Variants in MYO1H observed in about 807,000 individuals in gnomAD.
The protein encoded by MYO1H is unconventional myosin-Ih.
In MYO1H, 118 loss-of-function variants were observed where a neutral mutation model predicts 149.3. The observed-to-expected ratio is 0.79, with a 90% CI of 0.68 to 0.92. The LOEUF is 0.92. Among genes scored for constraint, MYO1H ranks in the 40% least tolerant of loss-of-function variants. The pLI is 0.00. For synonymous variants in MYO1H, 447 were observed against 465.2 expected (o/e 0.96, Z 0.50); for missense variants, 1,212 against 1,280.7 (o/e 0.95, Z 0.82).
chr12:109,420,299 C>T (rs147887467), intron 15 of MYO1H, among the ~76,000 whole-genome samples: 7 of 152,018 alleles, frequency 4.6e-5, no homozygotes, highest in Non-Finnish European at 8.8e-5. Context: ...ATGTTACCCG[C>T]CCCCCGGAGG....
At chr12:109,380,216 A>T (rs1011905246) in intron 1 of MYO1H, among the ~76,000 whole-genome samples, 19 of 152,156 alleles carry the variant, frequency 1.2e-4, no homozygotes, top group Non-Finnish European at 1.5e-5. Context: ...TTTAAAAAAT[A>T]GTTGTTTACA....
At chr12:109,388,812 C>T (rs142622024) in exon 2 of MYO1H, 3 of 1,613,110 alleles carry the variant, frequency 1.9e-6, no homozygotes, top group East Asian at 4.5e-5. Flanking sequence ...TGTCGACAAC[C>T]TCCGCAAGCG....
At chr12:109,419,320 A>G (rs1043938308) in intron 15 of MYO1H, among the ~76,000 whole-genome samples, 1 of 152,038 alleles carries the variant, frequency 6.6e-6, no homozygotes, top group Non-Finnish European at 1.5e-5. Flanking sequence ...GGGCGGGGGC[A>G]TCGTGGATAA....
At chr12:109,425,536 A>G (rs1871322562) in intron 17 of MYO1H, among the ~76,000 whole-genome samples, 1 of 152,246 alleles carries the variant, frequency 6.6e-6, no homozygotes, top group African/African-American at 2.4e-5. Flanking sequence ...GGGACTTACA[A>G]TCTAGTGGGA....
the MYO1H span, among the ~76,000 whole-genome samples, chr12:109,317,398 T>C: frequency 6.6e-6 from 1 of 152,204 alleles, no homozygotes; most frequent in East Asian, 1.9e-4. Context: ...AGAGTAACCA[T>C]TTCGATAGTA....
intron 6 of MYO1H, among the ~76,000 whole-genome samples, chr12:109,403,127 CT>C (rs1418034864): frequency 2.0e-5 from 3 of 152,354 alleles, no homozygotes; most frequent in African/African-American, 7.2e-5. Flanking sequence ...AAACCCATCC[CT>C]TCAGGGACAG....
intron 7 of MYO1H, 74 bp from the exon 8 acceptor site, chr12:109,405,848 T>G: frequency 9.9e-7 from 1 of 1,012,378 alleles, no homozygotes; most frequent in Non-Finnish European, 1.5e-6. Flanking sequence ...ACTAATGACA[T>G]GTATCAATTA....
intron 2 of MYO1H, 53 bp downstream of exon 2, chr12:109,388,897 C>G: frequency 4.5e-6 from 7 of 1,546,262 alleles, no homozygotes; most frequent in Non-Finnish European, 6.1e-6. Flanking sequence ...TCCCTTCTTG[C>G]CTTCACGACT....
At chr12:109,351,428 A>G (rs1394078916) in intron 1 of MYO1H, among the ~76,000 whole-genome samples, 2 of 152,226 alleles carry the variant, frequency 1.3e-5, no homozygotes, top group Non-Finnish European at 2.9e-5. Flanking sequence ...CACCGCAGAC[A>G]CTTATGACAA....
At chr12:109,335,578 C>CA in the MYO1H span, among the ~76,000 whole-genome samples, 45,898 of 148,520 alleles carry the variant, frequency 0.31, 7,328 homozygotes, top group Middle Eastern at 0.37. Context: ...AACAAACAAA[C>CA]AAAAAAAAAA....
chr12:109,422,152 A>G (rs1194179983), intron 16 of MYO1H, among the ~76,000 whole-genome samples: 1 of 152,176 alleles, frequency 6.6e-6, no homozygotes, highest in African/African-American at 2.4e-5. Context: ...CCTATTTTGT[A>G]TTAAAATAGT....
chr12:109,362,781 CT>C (rs1403024355), intron 1 of MYO1H, among the ~76,000 whole-genome samples: 2 of 152,154 alleles, frequency 1.3e-5, no homozygotes, highest in Non-Finnish European at 2.9e-5. Flanking sequence ...TAATCACCTA[CT>C]TTTTAAGGCA....
rs919567243 is a variant in MYO1H at position 109,414,981 on chromosome 12, G to A, written c.1503-545G>A. On this transcript the variant is annotated intron_variant, in intron 14 of 31. Coordinates refer to ENST00000310903, the Ensembl canonical transcript of MYO1H. ...CCTGCCTCAGCCTCCCAAAGTACTA[G>A]GATTATAGGTGTGAGCCACCATGCC... Among the ~76,000 whole-genome samples, 10 of 152,142 alleles carry A rather than the reference G, an allele frequency of 6.6e-5. 1 individual carries two copies. Among genetic ancestry groups the A allele is most frequent in the Non-Finnish European group, 8.8e-5 (6 of 68,022 alleles).
intron 19 of MYO1H, among the ~76,000 whole-genome samples, chr12:109,430,271 A>C (rs2135586763): frequency 6.6e-6 from 1 of 152,274 alleles, no homozygotes; most frequent in South Asian, 2.1e-4. Context: ...ATCGAGCTGG[A>C]GATAGCCAAA....
chr12:109,330,067 G>A, the MYO1H span, among the ~76,000 whole-genome samples: 3 of 152,190 alleles, frequency 2.0e-5, no homozygotes, highest in Non-Finnish European at 4.4e-5. Context: ...CAAAACTGGT[G>A]AAATCTCAAT....
At chr12:109,324,877 C>T in the MYO1H span, among the ~76,000 whole-genome samples, 1 of 152,076 alleles carries the variant, frequency 6.6e-6, no homozygotes, top group Non-Finnish European at 1.5e-5. Flanking sequence ...TCCTTTTCCC[C>T]TACCCTCCAA....
At chr12:109,415,496 G>A in intron 14 of MYO1H, 30 bp from the exon 15 acceptor site, 1 of 1,563,136 alleles carries the variant, frequency 6.4e-7, no homozygotes, top group Non-Finnish European at 8.7e-7. Flanking sequence ...AGAAAAGAAA[G>A]TTCAACTCGT....
chr12:109,442,529 T>C (rs1872183096), intron 27 of MYO1H, among the ~76,000 whole-genome samples: 1 of 152,134 alleles, frequency 6.6e-6, no homozygotes, highest in African/African-American at 2.4e-5. Context: ...TTGAATGAAG[T>C]GTAGCCATGA....
At chr12:109,417,034 G>A (rs1294480459) in intron 15 of MYO1H, among the ~76,000 whole-genome samples, 1 of 151,714 alleles carries the variant, frequency 6.6e-6, no homozygotes, top group East Asian at 1.9e-4. Context: ...AGCCGGTCGT[G>A]GTGGTGATCG....
Sources: allele counts gnomAD v4.1 joint callset (sites outside exome capture counted in the v4.1 genomes callset), GRCh38; gene constraint gnomAD v4.1.1; transcripts MANE v1.5; gene names NCBI Gene and HGNC (gene_info 2026-07-23, HGNC 2026-07-21).